The following GFRA2 variants were observed in gnomAD, a reference collection of about 807,000 sequenced individuals.
The protein encoded by GFRA2 is GDNF family receptor alpha 2.
GFRA2 carries 17 observed loss-of-function variants against 48.3 expected under a neutral mutation model. The observed-to-expected ratio is 0.35, with a 90% confidence interval of 0.24 to 0.53. GFRA2 has a LOEUF of 0.53. GFRA2 is among the 20% of genes least tolerant of loss of function. The pLI, the probability that GFRA2 is intolerant of heterozygous loss-of-function variation, is 0.93. For synonymous variants in GFRA2, 305 were observed against 257.2 expected (o/e 1.19, Z -1.78); for missense variants, 660 against 637.3 (o/e 1.04, Z -0.38).
chr8:21,738,312 C>G lies in GFRA2; in HGVS notation c.794+12276G>C, dbSNP rs536230952. 3.3e-5 allele frequency among the ~76,000 whole-genome samples: 5 copies of G among 150,852 alleles called. No individual in the cohort carries two copies. The South Asian group carries it at 1.1e-3, about 32-fold the overall frequency. On this transcript the variant is annotated intron_variant, in intron 4 of 8. Coordinates refer to ENST00000524240, the MANE Select transcript of GFRA2 (RefSeq NM_001495.5). ...ACCTTAGCACCATCCCAAGCTCCCC[C>G]GTTCACTGTCTGCATCCAGTGAGGC...
intron 4 of GFRA2, among the ~76,000 whole-genome samples, chr8:21,721,331 G>A (rs1286360209): frequency 6.6e-6 from 1 of 152,146 alleles, no homozygotes; most frequent in East Asian, 1.9e-4. Flanking sequence ...TCTGATAACA[G>A]CCATTCACTA....
chr8:21,767,102 C>T (rs1806201102), intron 3 of GFRA2, among the ~76,000 whole-genome samples: 1 of 150,518 alleles, frequency 6.6e-6, no homozygotes, highest in African/African-American at 2.5e-5. Context: ...CCCACACACA[C>T]CACCATACAT....
chr8:21,802,952 T>C (rs1455258031), intron 2 of GFRA2, among the ~76,000 whole-genome samples: 1 of 152,208 alleles, frequency 6.6e-6, no homozygotes, highest in Non-Finnish European at 1.5e-5. Flanking sequence ...TGGGGATTTG[T>C]ACAGTACAAA....
intron 2 of GFRA2, among the ~76,000 whole-genome samples, chr8:21,799,438 G>C (rs1807733453): frequency 6.6e-6 from 1 of 151,990 alleles, no homozygotes; most frequent in Non-Finnish European, 1.5e-5. Context: ...AGGTGGTCTC[G>C]ATCTCCGTTG....
At chr8:21,774,570 C>T (rs890333352) in intron 3 of GFRA2, among the ~76,000 whole-genome samples, 2 of 152,208 alleles carry the variant, frequency 1.3e-5, no homozygotes, top group Non-Finnish European at 2.9e-5. Flanking sequence ...CCAATGAGGT[C>T]GGTACGGTAC....
chr8:21,792,604 T>G (rs34601812), upstream of GFRA2, among the ~76,000 whole-genome samples: 58,074 of 151,756 alleles, frequency 0.38, 11,444 homozygotes, highest in African/African-American at 0.45. Context: ...AAAGGCACAG[T>G]GGGAGAAAGG....
intron 3 of GFRA2, among the ~76,000 whole-genome samples, chr8:21,771,005 C>G (rs1806411004): frequency 6.6e-6 from 1 of 152,164 alleles, no homozygotes; most frequent in Non-Finnish European, 1.5e-5. Context: ...ACCCCTGCAT[C>G]CAACTAAACA....
intron 1 of GFRA2, among the ~76,000 whole-genome samples, chr8:21,787,918 C>A (rs1435006178): frequency 6.6e-6 from 1 of 152,052 alleles, no homozygotes; most frequent in Non-Finnish European, 1.5e-5. Context: ...GATCCCCCTG[C>A]GTCGCCAGCC....
intron 2 of GFRA2, among the ~76,000 whole-genome samples, chr8:21,780,441 C>A (rs1349205132): frequency 1.3e-5 from 2 of 152,140 alleles, no homozygotes; most frequent in Admixed American, 6.5e-5. Context: ...CAGCTCCCTG[C>A]AGGCTCCCTT....
intron 3 of GFRA2, among the ~76,000 whole-genome samples, chr8:21,766,472 G>T (rs143160479): frequency 0.037 from 5,640 of 151,920 alleles, 158 homozygotes; most frequent in Non-Finnish European, 0.059. Flanking sequence ...GAGTTATCTG[G>T]GGATAAATTC....
At chr8:21,749,592 C>G (rs1205578365) in intron 4 of GFRA2, among the ~76,000 whole-genome samples, 1 of 152,010 alleles carries the variant, frequency 6.6e-6, no homozygotes, top group Non-Finnish European at 1.5e-5. Flanking sequence ...TTTATGAGAG[C>G]ACCTTTCCTG....
intron 1 of GFRA2, among the ~76,000 whole-genome samples, chr8:21,786,502 G>A (rs1807275181): frequency 6.6e-6 from 1 of 152,194 alleles, no homozygotes. Flanking sequence ...GGAGAAAAAG[G>A]TCAGATTTTA....
intron 1 of GFRA2, among the ~76,000 whole-genome samples, chr8:21,809,302 A>G (rs1357596377): frequency 1.3e-5 from 2 of 152,156 alleles, no homozygotes; most frequent in African/African-American, 2.4e-5. Context: ...CCTTTGGCAG[A>G]GTTTTTGAAC....
rs576319273 is a variant in GFRA2 at position 21,783,592 on chromosome 8, G to A, written c.41-693C>T. Among the ~76,000 whole-genome samples the A allele has an allele frequency of 5.2e-3, 791 of 152,058 alleles. 4 individuals carry two copies. Among genetic ancestry groups the A allele is most frequent in the Middle Eastern group, 0.017 (5 of 294 alleles). ...AGGGAGAGATGAGCCTAACTCTACCGTCCAGGCGAGCCCAGGAAGGAGGAG... is the reference window on the plus strand; with the variant it reads ...AGGGAGAGATGAGCCTAACTCTACCATCCAGGCGAGCCCAGGAAGGAGGAG... On this transcript the variant is annotated intron_variant, in intron 1 of 8. Transcript: ENST00000524240.
At chr8:21,768,830 C>T (rs910392822) in intron 3 of GFRA2, among the ~76,000 whole-genome samples, 1 of 152,126 alleles carries the variant, frequency 6.6e-6, no homozygotes, top group Non-Finnish European at 1.5e-5. Context: ...GGCTGGAGCA[C>T]CCCAGAGAGG....
rs777905177 is a variant in GFRA2 at position 21,750,820 on chromosome 8, C to T, written c.562G>A (p.Glu188Lys). 32 of 1,613,852 alleles carry T rather than the reference C, an allele frequency of 2.0e-5. No individual in the cohort carries two copies. The highest frequency in any genetic ancestry group is 1.6e-4 in the Middle Eastern group (1 of 6,084). ...TTGCAGCGCTCGGTGGGCGAGATCTCGCGGTTGCAGATGGAGATGTAGGAG... is the reference window on the plus strand; with the variant it reads ...TTGCAGCGCTCGGTGGGCGAGATCTTGCGGTTGCAGATGGAGATGTAGGAG... ...RSSYISICNR[E>K]ISPTERCNRR... The change falls in exon 4 of 9, where the codon GAG (glutamate) becomes AAG (lysine). Residue 188 changes from glutamate to lysine, a missense_variant. Physicochemically the swap from Glu to Lys is moderately conservative, Grantham distance 56. Transcript: ENST00000524240. The surrounding 1 kb of genome is among the most constrained non-coding windows in gnomAD (Gnocchi z 5.7).
chr8:21,734,184 A>C (rs1804339399), intron 4 of GFRA2, among the ~76,000 whole-genome samples: 1 of 152,226 alleles, frequency 6.6e-6, no homozygotes, highest in Non-Finnish European at 1.5e-5. Flanking sequence ...GCTCCCTGGG[A>C]AACAGCTGGA....
chr8:21,806,917 C>A (rs369017312), intron 1 of GFRA2, among the ~76,000 whole-genome samples: 1 of 152,218 alleles, frequency 6.6e-6, no homozygotes, highest in Non-Finnish European at 1.5e-5. Flanking sequence ...GGTGTTGGTT[C>A]TATCTTCCTA....
chr8:21,706,176 A>C, intron 4 of GFRA2, 135 bp from the exon 5 acceptor site: 1 of 646,874 alleles, frequency 1.5e-6, no homozygotes, highest in South Asian at 1.8e-5. Context: ...GGAGGGGAGG[A>C]AAGTCGGGGG....
Sources: allele counts gnomAD v4.1 joint callset (sites outside exome capture counted in the v4.1 genomes callset), GRCh38; gene constraint gnomAD v4.1.1; non-coding constraint Gnocchi (gnomAD v3.1); transcripts MANE v1.5; gene names NCBI Gene and HGNC (gene_info 2026-07-23, HGNC 2026-07-21).